The following AGBL3 variants were observed in gnomAD, a reference collection of about 807,000 sequenced individuals.
AGBL3 encodes the protein cytosolic carboxypeptidase 3.
AGBL3 carries 68 observed loss-of-function variants against 94.5 expected under a neutral mutation model. That is an observed-to-expected ratio of 0.72 (90% CI 0.59 to 0.88). The LOEUF is 0.88. AGBL3 is among the 40% of genes least tolerant of loss of function. The pLI, the probability that AGBL3 is intolerant of heterozygous loss-of-function variation, is 0.00. For missense variants in AGBL3, 934 were observed against 1,103.8 expected (o/e 0.85, Z 2.18); for synonymous variants, 354 against 370.7 (o/e 0.95, Z 0.52).
intron 12 of AGBL3, among the ~76,000 whole-genome samples, chr7:135,063,196 G>A (rs185811673): frequency 1.8e-4 from 27 of 151,944 alleles, no homozygotes; most frequent in East Asian, 1.2e-3. Context: ...CTGTGGTGTC[G>A]GTTATAATGT....
In AGBL3 at chr7:134,989,296, G is replaced by C; in HGVS notation, c.110G>C (p.Cys37Ser). The change falls in exon 3 of 17, where the codon TGT (cysteine) becomes TCT (serine). Residue 37 changes from cysteine to serine, a missense_variant. Cys to Ser is a moderately radical substitution (Grantham distance 112, BLOSUM62 -1). Coordinates refer to ENST00000436302, the MANE Select transcript of AGBL3 (RefSeq NM_178563.4). The part of the protein sequence containing the change: ...MKFVSEDLHR[C>S]ALLTADSFGD... ...TTTGTAAGTGAAGATCTTCATCGGT[G>C]TGCACTTTTAACAGGTTTGAACCTA... The C allele has an allele frequency of 3.2e-6, 5 of 1,547,514 alleles. No individual in the cohort carries two copies. Among genetic ancestry groups the C allele is most frequent in the Non-Finnish European group, 4.4e-6 (5 of 1,145,032 alleles).
At chr7:135,119,079 G>A (rs1192708303) in intron 16 of AGBL3, among the ~76,000 whole-genome samples, 1 of 152,104 alleles carries the variant, frequency 6.6e-6, no homozygotes, top group Admixed American at 6.5e-5. Flanking sequence ...AGAAGGACAG[G>A]AGAATGAATA....
intron 4 of AGBL3, 33 bp from the exon 5 acceptor site, chr7:135,017,019 C>A: frequency 7.5e-7 from 1 of 1,326,340 alleles, no homozygotes; most frequent in South Asian, 1.3e-5. Flanking sequence ...ATTTTGAAGT[C>A]ATCTTCAAAT....
At chr7:135,070,011 A>G (rs555271574) in intron 12 of AGBL3, among the ~76,000 whole-genome samples, 2 of 152,358 alleles carry the variant, frequency 1.3e-5, no homozygotes, top group East Asian at 1.9e-4. Context: ...GAGAAGAATC[A>G]AATAGACACA....
intron 4 of AGBL3, among the ~76,000 whole-genome samples, chr7:135,014,335 TTA>T (rs1813523716): frequency 6.6e-6 from 1 of 151,656 alleles, no homozygotes; most frequent in Non-Finnish European, 1.5e-5. Flanking sequence ...ATAAAAATAA[TTA>T]CTTATAAAAA....
Position 135,135,365 on chromosome 7 carries a change from C to T in AGBL3, c.*104C>T. On this transcript the variant is annotated 3_prime_UTR_variant, in exon 17 of 17. Transcript: ENST00000436302. ...CTCCCCTTCCCCTTTCCCTATCTCT[C>T]CCCTTACACATGCATATGCATAAAC... 2.8e-6 allele frequency: 3 copies of T among 1,063,270 alleles called. No homozygotes were observed. Among genetic ancestry groups the T allele is most frequent in the Non-Finnish European group, 3.8e-6 (3 of 782,614 alleles). The allele number at this position is 1,063,270 out of a possible 1,614,324, so 65.9% of individuals were successfully genotyped here. A position where few individuals can be genotyped will look rare whatever the true frequency, so the allele number is the denominator to read the frequency against.
chr7:135,087,752 A>G (rs938840009), intron 15 of AGBL3, among the ~76,000 whole-genome samples: 7 of 151,966 alleles, frequency 4.6e-5, no homozygotes, highest in African/African-American at 1.7e-4. Flanking sequence ...CGTAAGTCTT[A>G]GAGGATATTC....
At chr7:134,992,956 C>A (rs1243314197) in intron 3 of AGBL3, among the ~76,000 whole-genome samples, 1 of 152,192 alleles carries the variant, frequency 6.6e-6, no homozygotes, top group Non-Finnish European at 1.5e-5. Context: ...CAAATTGATG[C>A]CGTACAGTAT....
chr7:135,131,323 G>A (rs570327295), intron 16 of AGBL3, among the ~76,000 whole-genome samples: 1 of 152,080 alleles, frequency 6.6e-6, no homozygotes, highest in East Asian at 1.9e-4. Flanking sequence ...CGGGGTGAGG[G>A]GTGAGGGGAG....
chr7:135,059,323 G>T, intron 12 of AGBL3, 88 bp downstream of exon 12: 2 of 737,486 alleles, frequency 2.7e-6, no homozygotes, highest in Non-Finnish European at 4.3e-6. Context: ...AAAAATTGCA[G>T]ATATGTAATT....
chr7:135,032,281 G>A (rs374939571), intron 5 of AGBL3, among the ~76,000 whole-genome samples: 1 of 151,832 alleles, frequency 6.6e-6, no homozygotes, highest in Non-Finnish European at 1.5e-5. Flanking sequence ...GACCAGAAAT[G>A]GAGTGAATTT....
At chr7:135,075,914 G>A (rs1009465054) in intron 12 of AGBL3, among the ~76,000 whole-genome samples, 2 of 152,162 alleles carry the variant, frequency 1.3e-5, no homozygotes, top group African/African-American at 4.8e-5. Flanking sequence ...GGGTTGGGGC[G>A]CTCCCACTGG....
chr7:134,999,280 G>T (rs942587712), intron 4 of AGBL3, among the ~76,000 whole-genome samples: 2 of 152,118 alleles, frequency 1.3e-5, no homozygotes, highest in Non-Finnish European at 2.9e-5. Context: ...GTCTAGTCCT[G>T]TCAGGACCCT....
intron 16 of AGBL3, among the ~76,000 whole-genome samples, chr7:135,122,744 C>CAGATGACG (rs1827318268): frequency 6.6e-6 from 1 of 152,118 alleles, no homozygotes; most frequent in Non-Finnish European, 1.5e-5. Flanking sequence ...AGGAGTGAAC[C>CAGATGACG]AGATGACGAG....
intron 15 of AGBL3, among the ~76,000 whole-genome samples, chr7:135,111,802 T>A (rs886414745): frequency 6.6e-6 from 1 of 152,182 alleles, no homozygotes; most frequent in Non-Finnish European, 1.5e-5. Context: ...TCTCACCACA[T>A]ACTTTATTTC....
chr7:135,108,913 C>T (rs959372315), intron 15 of AGBL3, among the ~76,000 whole-genome samples: 1 of 152,172 alleles, frequency 6.6e-6, no homozygotes, highest in African/African-American at 2.4e-5. Context: ...TTTTATCTGG[C>T]TGTCTTAATT....
In AGBL3 at chr7:135,067,205, G is replaced by A. The variant is rs181225836; in HGVS notation, c.1908+7970G>A. 8.5e-5 allele frequency among the ~76,000 whole-genome samples: 13 copies of A among 152,320 alleles called. No individual in the cohort carries two copies. In the East Asian group the frequency reaches 2.3e-3, roughly 27 times the overall value. On this transcript the variant is annotated intron_variant, in intron 12 of 16. Coordinates refer to ENST00000436302, the MANE Select transcript of AGBL3 (RefSeq NM_178563.4). ...GGCTGGGGGACGGGCACCCACCATT[G>A]CCGAGGCTTGAGTAGGTAAACAAAG...
intron 11 of AGBL3, chr7:135,050,880 T>C: frequency 3.6e-5 from 10 of 281,562 alleles, no homozygotes; most frequent in South Asian, 3.2e-4. Flanking sequence ...TCTGTGTCCT[T>C]TGATTGAGTT....
intron 13 of AGBL3, among the ~76,000 whole-genome samples, 177 bp from the exon 14 acceptor site, chr7:135,080,026 G>A (rs969903313): frequency 1.4e-4 from 21 of 152,110 alleles, no homozygotes; most frequent in East Asian, 3.9e-4. Context: ...GAAAAGTAGC[G>A]TAGGGAAAAA....
Sources: allele counts gnomAD v4.1 joint callset (sites outside exome capture counted in the v4.1 genomes callset), GRCh38; gene constraint gnomAD v4.1.1; transcripts MANE v1.5; gene names NCBI Gene and HGNC (gene_info 2026-07-23, HGNC 2026-07-21).